The following EPB41L3 variants were observed in gnomAD, a reference collection of about 807,000 sequenced individuals.
The protein encoded by EPB41L3 is band 4.1-like protein 3.
In EPB41L3, 57 loss-of-function variants were observed where a neutral mutation model predicts 127.1. The ratio of observed to expected loss-of-function variants is 0.45; its 90% CI spans 0.36 to 0.56. EPB41L3 has a LOEUF of 0.56. EPB41L3 is among the 20% of genes least tolerant of loss of function. The pLI, the probability that EPB41L3 is intolerant of heterozygous loss-of-function variation, is 0.00. For synonymous variants in EPB41L3, 572 were observed against 549.5 expected (o/e 1.04, Z -0.57); for missense variants, 1,273 against 1,372.2 (o/e 0.93, Z 1.14).
intron 1 of EPB41L3, among the ~76,000 whole-genome samples, chr18:5,507,124 G>A (rs2092259714): frequency 1.3e-5 from 2 of 152,026 alleles, no homozygotes; most frequent in Admixed American, 1.3e-4. Context: ...CCTAAATCCT[G>A]ACCCTAATGT....
intron 3 of EPB41L3, among the ~76,000 whole-genome samples, chr18:5,608,385 A>G (rs1038458254): frequency 1.3e-5 from 2 of 152,212 alleles, no homozygotes; most frequent in Non-Finnish European, 2.9e-5. Context: ...TCCCCAAATG[A>G]GAAGACCCCT....
At chr18:5,434,154 G>A (rs757551006) in intron 6 of EPB41L3, 33 bp from the exon 7 acceptor site, 1 of 1,575,852 alleles carries the variant, frequency 6.3e-7, no homozygotes, top group South Asian at 1.1e-5. Flanking sequence ...CACAACGAAG[G>A]CAGCATGAGG....
intron 3 of EPB41L3, among the ~76,000 whole-genome samples, chr18:5,468,382 G>T (rs74742309): frequency 2.0e-5 from 3 of 152,140 alleles, no homozygotes; most frequent in Non-Finnish European, 2.9e-5. Context: ...TGGAGTCCGC[G>T]GCCCCCTGAG....
At chr18:5,620,999 A>G (rs2094854377) in intron 1 of EPB41L3, among the ~76,000 whole-genome samples, 1 of 152,128 alleles carries the variant, frequency 6.6e-6, no homozygotes, top group Non-Finnish European at 1.5e-5. Context: ...ACCCTTGTCT[A>G]AACATTTACA....
At chr18:5,462,359 A>G (rs2084163197) in intron 3 of EPB41L3, among the ~76,000 whole-genome samples, 2 of 152,212 alleles carry the variant, frequency 1.3e-5, no homozygotes, top group Non-Finnish European at 2.9e-5. Context: ...AACTGAAAGA[A>G]GGCACAAGAA....
intron 8 of EPB41L3, among the ~76,000 whole-genome samples, 156 bp downstream of exon 8, chr18:5,433,313 T>C (rs899993935): frequency 6.6e-6 from 1 of 152,210 alleles, no homozygotes; most frequent in African/African-American, 2.4e-5. Flanking sequence ...GCTACATTTG[T>C]TGTATCGTGG....
rs139603223 is a variant in EPB41L3 at position 5,514,475 on chromosome 18, A to T, written c.-11-25281T>A. ...ACTTTCTTCCTCTATTTGTACATAA[A>T]TATTATAATCCACCAGCAAATAATT... is the stretch of plus-strand genomic sequence containing the variant. On this transcript the variant is annotated intron_variant, in intron 1 of 22. Coordinates refer to ENST00000341928, the MANE Select transcript of EPB41L3 (RefSeq NM_012307.5). 7.3e-4 allele frequency among the ~76,000 whole-genome samples: 111 copies of T among 152,322 alleles called. No individual in the cohort carries two copies. In the East Asian group the frequency reaches 0.016, roughly 22 times the overall value.
intron 16 of EPB41L3, chr18:5,400,950 C>T: frequency 6.7e-7 from 1 of 1,500,620 alleles, no homozygotes; most frequent in Non-Finnish European, 9.0e-7. Flanking sequence ...CTGGAAAATC[C>T]TTTATGTTTG....
intron 3 of EPB41L3, among the ~76,000 whole-genome samples, chr18:5,456,895 G>A (rs1003966418): frequency 5.9e-5 from 9 of 152,176 alleles, no homozygotes; most frequent in African/African-American, 1.7e-4. Context: ...AACCAGACAC[G>A]GCAGGCCCTG....
intron 2 of EPB41L3, among the ~76,000 whole-genome samples, chr18:5,479,306 T>C (rs1166250768): frequency 6.6e-6 from 1 of 152,226 alleles, no homozygotes; most frequent in Non-Finnish European, 1.5e-5. Context: ...TCTGCAAATA[T>C]GTGCTGACAG....
intron 1 of EPB41L3, among the ~76,000 whole-genome samples, chr18:5,625,990 A>C (rs1178156449): frequency 1.3e-5 from 2 of 148,732 alleles, no homozygotes; most frequent in Non-Finnish European, 3.0e-5. Flanking sequence ...TCTGATCTTC[A>C]TTTATGCTGC....
At chr18:5,584,489 T>G (rs1422095295) in intron 3 of EPB41L3, among the ~76,000 whole-genome samples, 1 of 152,198 alleles carries the variant, frequency 6.6e-6, no homozygotes, top group Non-Finnish European at 1.5e-5. Context: ...TAAAGTTACT[T>G]AAGTTTTCCC....
chr18:5,431,401 G>C (rs2078991730), intron 8 of EPB41L3: 1 of 152,168 alleles, frequency 6.6e-6, no homozygotes, highest in Admixed American at 6.5e-5. Context: ...TGGGAAAATG[G>C]AGTCTATAAC....
chr18:5,617,554 G>A lies in EPB41L3; in HGVS notation c.-467-3131C>T, dbSNP rs556214935. ...GGGATGGTCTCGATCTCCTGACCTC[G>A]CGATCCGCCCGCCTCGGCCTCCCAA... On this transcript the variant is annotated intron_variant, in intron 1 of 21. Transcript: ENST00000545076. 1.3e-4 allele frequency among the ~76,000 whole-genome samples: 20 copies of A among 152,144 alleles called. No individual in the cohort carries two copies. The East Asian group carries it at 2.9e-3, about 22-fold the overall frequency.
chr18:5,477,371 AG>A (rs1300933193), intron 3 of EPB41L3, among the ~76,000 whole-genome samples: 1 of 152,162 alleles, frequency 6.6e-6, no homozygotes, highest in African/African-American at 2.4e-5. Flanking sequence ...AGTGGAATGA[AG>A]GGGGAGAGGG....
At chr18:5,605,212 C>T (rs2094637207) in intron 3 of EPB41L3, among the ~76,000 whole-genome samples, 1 of 152,134 alleles carries the variant, frequency 6.6e-6, no homozygotes. Flanking sequence ...CAACTTCTCC[C>T]TCTGCCCAGC....
intron 16 of EPB41L3, among the ~76,000 whole-genome samples, chr18:5,405,043 T>C (rs944739446): frequency 6.6e-5 from 10 of 152,252 alleles, no homozygotes; most frequent in Non-Finnish European, 1.5e-4. Context: ...TCACTTATTC[T>C]GCATAAAAGG....
intron 5 of EPB41L3, among the ~76,000 whole-genome samples, chr18:5,440,580 A>G (rs1402684447): frequency 6.6e-6 from 1 of 152,214 alleles, no homozygotes; most frequent in Non-Finnish European, 1.5e-5. Flanking sequence ...GAATATTTCT[A>G]TAATGCTGAT....
At chr18:5,458,397 C>A (rs2083439629) in intron 3 of EPB41L3, among the ~76,000 whole-genome samples, 1 of 152,118 alleles carries the variant, frequency 6.6e-6, no homozygotes, top group South Asian at 2.1e-4. Flanking sequence ...TTATCCTTCA[C>A]AATATAGAAA....
Sources: allele counts gnomAD v4.1 joint callset (sites outside exome capture counted in the v4.1 genomes callset), GRCh38; gene constraint gnomAD v4.1.1; transcripts MANE v1.5; gene names NCBI Gene and HGNC (gene_info 2026-07-23, HGNC 2026-07-21).